Variants in ACAN observed in about 807,000 individuals in gnomAD.
ACAN encodes the protein aggrecan core protein.
In ACAN, 47 loss-of-function variants were observed where a neutral mutation model predicts 169.1. The observed-to-expected ratio is 0.28, with a 90% CI of 0.22 to 0.35. The LOEUF is 0.35. ACAN is among the 10% of genes least tolerant of loss of function. The probability of loss-of-function intolerance (pLI) is 1.00; values close to 1 mark genes in which losing one functional copy is unlikely to be tolerated. For missense variants in ACAN, 2,716 were observed against 2,759.9 expected, an observed-to-expected ratio of 0.98 and a Z score of 0.36; for synonymous variants, 1,115 against 1,112.2, an observed-to-expected ratio of 1.00 and a Z score of -0.05.
In ACAN at chr15:88,871,454, C is replaced by T; in HGVS notation, c.7133C>T (p.Thr2378Ile). The T allele has an allele frequency of 6.2e-7, 1 of 1,613,946 alleles. No individual in the cohort carries two copies. The highest frequency in any genetic ancestry group is 1.3e-5 in the African/African-American group (1 of 75,056). The change falls in exon 15 of 19, where the codon ACC (threonine) becomes ATC (isoleucine). Residue 2378 changes from threonine to isoleucine, a missense_variant. Around this residue, in one of 3 missense-constraint regions of ACAN, gnomAD observed 1,389 missense variants for 1,363.7 expected, o/e 1.02. Coordinates refer to ENST00000560601, the MANE Select transcript of ACAN (RefSeq NM_001369268.1). The surrounding 1 kb of genome is among the most constrained non-coding windows in gnomAD (Gnocchi z 7.8). ...TACCGCCACTTCCCGGACCGCGAGA[C>T]CTGGGTGGATGCTGAGCGCCGGTGT... ...HCYRHFPDRETWVDAERRCRE... is the reference protein window; with the variant it reads ...HCYRHFPDREIWVDAERRCRE...
At chr15:88,859,936 T>C (rs1200608501) in intron 12 of ACAN, among the ~76,000 whole-genome samples, 1 of 152,146 alleles carries the variant, frequency 6.6e-6, no homozygotes, top group African/African-American at 2.4e-5. Flanking sequence ...TGAAGTGTCA[T>C]TTGGCTATCT....
rs756842423 is a variant in ACAN at position 88,860,442 on chromosome 15, A to G, written c.6946+3A>G. The G allele has an allele frequency of 1.2e-6, 2 of 1,611,748 alleles. No homozygotes were observed. The highest frequency in any genetic ancestry group is 1.7e-5 in the Admixed American group (1 of 59,902). On this transcript the variant is annotated splice_donor_region_variant and intron_variant, in intron 13 of 18. Transcript: ENST00000560601. The stretch of plus-strand genomic sequence containing the variant: ...CACTGGCGAGCACTGTAACATAGGT[A>G]AGGCCCTCATTGGCCGTGGAGAGTG...
At chr15:88,815,656 T>TAAAAAAAAAAAAA in intron 1 of ACAN, among the ~76,000 whole-genome samples, 1 of 54,182 alleles carries the variant, frequency 1.8e-5, no homozygotes, top group Non-Finnish European at 3.1e-5. Context: ...CTGCACTGAT[T>TAAAAAAAAAAAAA]AAAAAAAAAA....
chr15:88,849,864 A>G lies in ACAN; in HGVS notation c.2026+133A>G. 7.6e-7 allele frequency: 1 copy of G among 1,308,820 alleles called. No homozygotes were observed. The highest frequency in any genetic ancestry group is 1.1e-6 in the Non-Finnish European group (1 of 933,926). 81.1% of individuals were successfully genotyped at this position (1,308,820 alleles called of 1,614,324 possible). On this transcript the variant is annotated intron_variant, in intron 10 of 18. Transcript: ENST00000560601. This position sits in a 1 kb window ranked among gnomAD's most constrained non-coding sequence, Gnocchi z 5.1. Reference sequence around the variant, plus strand: ...ATGTCAGTCCCTCTGGGGCAGAGCCAGCTCTGAAACCAGCACAACGCAGGC... The same window carrying G: ...ATGTCAGTCCCTCTGGGGCAGAGCCGGCTCTGAAACCAGCACAACGCAGGC...
chr15:88,820,163 A>T (rs951806582), intron 1 of ACAN, among the ~76,000 whole-genome samples: 2 of 152,166 alleles, frequency 1.3e-5, no homozygotes. Context: ...TTTTTAAAGG[A>T]CGTAGTTGTG....
chr15:88,818,919 T>C (rs1305005811), intron 1 of ACAN, among the ~76,000 whole-genome samples: 1 of 152,258 alleles, frequency 6.6e-6, no homozygotes, highest in Non-Finnish European at 1.5e-5. Context: ...TTTTATGTTA[T>C]GTATATTTTA....
In ACAN at chr15:88,874,216, G is replaced by T. The variant is rs1468939927; in HGVS notation, c.7631-189G>T. 6.6e-6 allele frequency among the ~76,000 whole-genome samples: 1 copy of T among 152,076 alleles called. No homozygotes were observed. The highest frequency in any genetic ancestry group is 1.5e-5 in the Non-Finnish European group (1 of 68,012). ...GGCCACGTACTTGTCCCAGGAGAGG[G>T]CTCACTTGGAGGATGAAGGAGAAAA... On this transcript the variant is annotated intron_variant, in intron 18 of 18. Coordinates refer to ENST00000560601, the MANE Select transcript of ACAN (RefSeq NM_001369268.1). This position sits in a 1 kb window ranked among gnomAD's most constrained non-coding sequence, Gnocchi z 7.3.
chr15:88,811,188 C>A (rs1895812141), intron 1 of ACAN, among the ~76,000 whole-genome samples: 1 of 152,208 alleles, frequency 6.6e-6, no homozygotes, highest in African/African-American at 2.4e-5. Flanking sequence ...CAAAATTAAC[C>A]CTAGTTAATT....
rs113958627 is a variant in ACAN at position 88,851,258 on chromosome 15, C to T, written c.2027-536C>T. ...ATCCTGCCTTCACGCTTTCAAATGC[C>T]GAGATGGTTTCATGGAATTGAGTAC... On this transcript the variant is annotated intron_variant, in intron 10 of 18. Transcript: ENST00000560601. The surrounding 1 kb of genome is among the most constrained non-coding windows in gnomAD (Gnocchi z 4.3). 0.027 allele frequency: 4,159 copies of T among 156,396 alleles called. 198 individuals are homozygous for T. Among genetic ancestry groups the T allele is most frequent in the African/African-American group, 0.095 (3,952 of 41,540 alleles). 9.7% of individuals were successfully genotyped at this position (156,396 alleles called of 1,614,324 possible). A position where few individuals can be genotyped will look rare whatever the true frequency, so the allele number is the denominator to read the frequency against.
chr15:88,807,268 G>A lies in ACAN; in HGVS notation c.-8+3459G>A, dbSNP rs1261990130. Reference sequence around the variant, plus strand: ...GAAGGTCTGCTTATAAGTAGAGCAGGGGAGGGGACAGGCCAGCAGCTGCCC... The same window carrying A: ...GAAGGTCTGCTTATAAGTAGAGCAGAGGAGGGGACAGGCCAGCAGCTGCCC... On this transcript the variant is annotated intron_variant, in intron 1 of 18. Coordinates refer to ENST00000560601, the MANE Select transcript of ACAN (RefSeq NM_001369268.1). This position sits in a 1 kb window ranked among gnomAD's most constrained non-coding sequence, Gnocchi z 4.0. 6.6e-6 allele frequency among the ~76,000 whole-genome samples: 1 copy of A among 152,178 alleles called. No homozygotes were observed. Among genetic ancestry groups the A allele is most frequent in the African/African-American group, 2.4e-5 (1 of 41,450 alleles).
chr15:88,804,084 T>A (rs1195317436), intron 1 of ACAN, among the ~76,000 whole-genome samples: 1 of 152,166 alleles, frequency 6.6e-6, no homozygotes, highest in East Asian at 1.9e-4. Context: ...CAAGGGAGCC[T>A]TTTCTCCAAA....
At chr15:88,806,506 C>T (rs541689250) in intron 1 of ACAN, among the ~76,000 whole-genome samples, 11 of 152,146 alleles carry the variant, frequency 7.2e-5, no homozygotes, top group Admixed American at 4.6e-4. Flanking sequence ...TGTACCACCA[C>T]GCCCGGCTAA....
chr15:88,857,010 A>C lies in ACAN; in HGVS notation c.4425A>C (p.Glu1475Asp), dbSNP rs776435976. ...TCAGTGGACTTCCTTCTGGAGGAGA[A>C]GTTCTAGAGATTTCTGTCTCTGGAG... ...GDLSGLPSGG[E>D]VLEISVSGVE... The change falls in exon 12 of 19, where the codon GAA (glutamate) becomes GAC (aspartate). Residue 1475 changes from glutamate to aspartate, a missense_variant. Coordinates refer to ENST00000560601, the MANE Select transcript of ACAN (RefSeq NM_001369268.1). 46 of 1,613,278 alleles carry C rather than the reference A, an allele frequency of 2.9e-5. No homozygotes were observed. Among genetic ancestry groups the C allele is most frequent in the Admixed American group, 1.8e-4 (11 of 59,974 alleles).
At chr15:88,848,108 A>T in intron 9 of ACAN, 70 bp downstream of exon 9, 1 of 1,579,302 alleles carries the variant, frequency 6.3e-7, no homozygotes, top group Non-Finnish European at 8.6e-7. Context: ...ACAGGGCGAT[A>T]CAAAGAAGAG....
At position 88,872,930 on chromosome 15, in the gene ACAN, G is replaced by C. The variant is rs1159706563; in HGVS notation, c.7352G>C (p.Gly2451Ala). The change falls in exon 17 of 19, where the codon GGA becomes GCA. Residue 2451 changes from glycine (G) to alanine (A), a missense_variant. Transcript: ENST00000560601. The surrounding 1 kb of genome is among the most constrained non-coding windows in gnomAD (Gnocchi z 5.4). ...PNQPDNFFAA[G>A]EDCVVMIWHE... Reference sequence around the variant, plus strand: ...CAGCCTGACAACTTTTTTGCCGCTGGAGAGGACTGTGTGGTGATGATCTGG... The same window carrying C: ...CAGCCTGACAACTTTTTTGCCGCTGCAGAGGACTGTGTGGTGATGATCTGG... 6.2e-7 allele frequency: 1 copy of C among 1,613,914 alleles called. No homozygotes were observed. The highest frequency in any genetic ancestry group is 8.5e-7 in the Non-Finnish European group (1 of 1,179,924).
In ACAN at chr15:88,843,317, G is replaced by A. The variant is rs976949065; in HGVS notation, c.758-38G>A. On this transcript the variant is annotated intron_variant, in intron 5 of 18. Coordinates refer to ENST00000560601, the MANE Select transcript of ACAN (RefSeq NM_001369268.1). The surrounding 1 kb of genome is among the most constrained non-coding windows in gnomAD (Gnocchi z 4.0). Reference sequence around the variant, plus strand: ...TGGGGATGCAGAGCAGGGGGAGGGGGGAGAAGACCCTTACCCAGCTGGCTG... The same window carrying A: ...TGGGGATGCAGAGCAGGGGGAGGGGAGAGAAGACCCTTACCCAGCTGGCTG... 9 of 1,525,486 alleles carry A rather than the reference G, an allele frequency of 5.9e-6. No individual in the cohort carries two copies. The highest frequency in any genetic ancestry group is 4.6e-5 in the East Asian group (2 of 43,670). The allele number at this position is 1,525,486 out of a possible 1,614,324, so 94.5% of individuals were successfully genotyped here. A position where few individuals can be genotyped will look rare whatever the true frequency, so the allele number is the denominator to read the frequency against.
chr15:88,835,500 A>G (rs1896479826), intron 1 of ACAN, among the ~76,000 whole-genome samples: 1 of 152,226 alleles, frequency 6.6e-6, no homozygotes, highest in Admixed American at 6.5e-5. Flanking sequence ...CAAGGTCTGC[A>G]TGATAAGTTG....
chr15:88,860,953 G>T (rs1017656681), intron 13 of ACAN, among the ~76,000 whole-genome samples: 1 of 152,146 alleles, frequency 6.6e-6, no homozygotes, highest in African/African-American at 2.4e-5. Flanking sequence ...GGGATTCGTG[G>T]ATGTAGGGCA....
rs1179400724 is a variant in ACAN at position 88,861,398 on chromosome 15, T to C, written c.6946+959T>C. On this transcript the variant is annotated intron_variant, in intron 13 of 18. Transcript: ENST00000560601. This position sits in a 1 kb window ranked among gnomAD's most constrained non-coding sequence, Gnocchi z 6.3. ...TCCACGTAAACCTCATGTCGGGCAA[T>C]TATCCTTCGATAGCCTTTACATCAA... Among the ~76,000 whole-genome samples, 1 of 152,118 alleles carries C rather than the reference T, an allele frequency of 6.6e-6. No homozygotes were observed. Among genetic ancestry groups the C allele is most frequent in the Non-Finnish European group, 1.5e-5 (1 of 68,014 alleles).
Sources: gnomAD v4.1 joint callset for allele counts (sites outside exome capture counted in the v4.1 genomes callset) on GRCh38, gnomAD v4.1.1 for gene constraint, gnomAD v4.1.1 regional missense constraint, Gnocchi (gnomAD v3.1) non-coding constraint, MANE v1.5 for transcripts, NCBI Gene and HGNC (gene_info 2026-07-23, HGNC 2026-07-21) for gene names.